Variants in AGBL1 observed in about 807,000 individuals in gnomAD.
The protein encoded by AGBL1 is AGBL carboxypeptidase 1, also known as cytosolic carboxypeptidase 4.
AGBL1 carries 130 observed loss-of-function variants against 118.9 expected under a neutral mutation model. The observed-to-expected ratio is 1.09, with a 90% CI of 0.95 to 1.26. The LOEUF is 1.26. Ranked by LOEUF, AGBL1 falls within the 50% of genes most tolerant of loss-of-function variation. The pLI is 0.00. For synonymous variants in AGBL1, 555 were observed against 478.9 expected (o/e 1.16, Z -2.08); for missense variants, 1,584 against 1,298.1 (o/e 1.22, Z -3.38).
intron 18 of AGBL1, among the ~76,000 whole-genome samples, chr15:86,409,214 C>A (rs1028957343): frequency 3.3e-5 from 5 of 152,122 alleles, no homozygotes; most frequent in Admixed American, 1.3e-4. Flanking sequence ...TTGGTGCAAC[C>A]GTCCAAACCT....
At chr15:86,674,538 A>G (rs1567115860) in intron 22 of AGBL1, 102 bp downstream of exon 22, 2 of 1,196,398 alleles carry the variant, frequency 1.7e-6, no homozygotes, top group Admixed American at 2.7e-5. Flanking sequence ...CTTTACACAG[A>G]GAAAATATGG....
At chr15:86,197,249 A>G (rs962522825) in intron 5 of AGBL1, among the ~76,000 whole-genome samples, 1 of 152,192 alleles carries the variant, frequency 6.6e-6, no homozygotes, top group Non-Finnish European at 1.5e-5. Flanking sequence ...TGTTGGTTGA[A>G]ATATGGACAT....
chr15:86,813,024 A>C (rs2057946063), intron 22 of AGBL1, among the ~76,000 whole-genome samples: 1 of 152,224 alleles, frequency 6.6e-6, no homozygotes, highest in Non-Finnish European at 1.5e-5. Flanking sequence ...GAATTGTCCA[A>C]GAGGAAGAAA....
chr15:86,474,981 C>T (rs913001056), intron 18 of AGBL1, among the ~76,000 whole-genome samples: 23 of 152,196 alleles, frequency 1.5e-4, no homozygotes, highest in African/African-American at 3.9e-4. Context: ...AGTGGACCTC[C>T]GGCAAACTCC....
chr15:86,172,219 C>G (rs532710232), intron 5 of AGBL1, among the ~76,000 whole-genome samples: 1 of 152,176 alleles, frequency 6.6e-6, no homozygotes, highest in African/African-American at 2.4e-5. Flanking sequence ...ATATAAGAAA[C>G]ACACTTAAAA....
At chr15:86,819,712 A>C (rs2078912689) in intron 22 of AGBL1, among the ~76,000 whole-genome samples, 1 of 152,080 alleles carries the variant, frequency 6.6e-6, no homozygotes, top group Non-Finnish European at 1.5e-5. Context: ...AAATGGCTAT[A>C]CTGCCCAAAG....
chr15:86,226,458 G>A (rs1465400274), intron 6 of AGBL1, among the ~76,000 whole-genome samples: 1 of 152,204 alleles, frequency 6.6e-6, no homozygotes, highest in Non-Finnish European at 1.5e-5. Flanking sequence ...CCAGAGAGCT[G>A]AGTAAGGCTG....
intron 20 of AGBL1, among the ~76,000 whole-genome samples, chr15:86,553,275 A>T (rs1473485160): frequency 6.6e-6 from 1 of 152,232 alleles, no homozygotes; most frequent in Non-Finnish European, 1.5e-5. Context: ...CTGCTGACTC[A>T]GAACTGTGTA....
At chr15:86,215,117 T>C (rs2078163280) in intron 5 of AGBL1, among the ~76,000 whole-genome samples, 1 of 152,102 alleles carries the variant, frequency 6.6e-6, no homozygotes, top group Non-Finnish European at 1.5e-5. Context: ...TCAGTTTCTG[T>C]TTCTGTTTTC....
intron 23 of AGBL1, among the ~76,000 whole-genome samples, chr15:86,963,805 G>A (rs2594340): frequency 0.46 from 70,286 of 151,682 alleles, 19,076 homozygotes; most frequent in Non-Finnish European, 0.62. Flanking sequence ...TCTGAAGGCA[G>A]TAGCTTCCTA....
intron 1 of AGBL1, among the ~76,000 whole-genome samples, chr15:86,099,268 T>C (rs1038126401): frequency 2.0e-5 from 3 of 152,068 alleles, no homozygotes; most frequent in African/African-American, 7.2e-5. Flanking sequence ...CTAAAAAAAA[T>C]TACTAAGAAT....
chr15:86,103,556 T>G (rs1261715776), intron 1 of AGBL1, among the ~76,000 whole-genome samples: 1 of 152,216 alleles, frequency 6.6e-6, no homozygotes, highest in Non-Finnish European at 1.5e-5. Context: ...GCTAGGACAC[T>G]TTGGCTTTGC....
chr15:86,831,101 C>T (rs1223745359), intron 22 of AGBL1, among the ~76,000 whole-genome samples: 2 of 152,132 alleles, frequency 1.3e-5, no homozygotes, highest in African/African-American at 4.8e-5. Context: ...ATCAGATCTC[C>T]TGAGACTTAT....
chr15:86,493,407 A>G (rs1377013112), intron 18 of AGBL1, among the ~76,000 whole-genome samples: 2 of 151,978 alleles, frequency 1.3e-5, no homozygotes, highest in Non-Finnish European at 2.9e-5. Context: ...AAAGAAGAGA[A>G]TGGAGAGACA....
At chr15:86,725,201 G>T (rs1432370691) in intron 22 of AGBL1, among the ~76,000 whole-genome samples, 4 of 152,176 alleles carry the variant, frequency 2.6e-5, no homozygotes, top group Non-Finnish European at 4.4e-5. Flanking sequence ...CAAGCTACAG[G>T]AGAACAAAAT....
At chr15:86,713,503 T>C (rs767696698) in intron 22 of AGBL1, among the ~76,000 whole-genome samples, 1 of 152,276 alleles carries the variant, frequency 6.6e-6, no homozygotes, top group Non-Finnish European at 1.5e-5. Context: ...AAGTATTACA[T>C]TGGTATCCCC....
intron 17 of AGBL1, among the ~76,000 whole-genome samples, chr15:86,374,490 G>A (rs1444559819): frequency 1.3e-5 from 2 of 152,218 alleles, no homozygotes; most frequent in Non-Finnish European, 2.9e-5. Flanking sequence ...CACTGCTGGT[G>A]ATGGATCATT....
At chr15:87,017,111 G>A (rs770943276) in intron 24 of AGBL1, among the ~76,000 whole-genome samples, 9 of 152,114 alleles carry the variant, frequency 5.9e-5, no homozygotes, top group Non-Finnish European at 1.3e-4. Context: ...GCCAGCCAGT[G>A]GCAACAGGCT....
At chr15:86,892,256 C>T (rs936019232) in intron 22 of AGBL1, among the ~76,000 whole-genome samples, 22 of 152,098 alleles carry the variant, frequency 1.4e-4, no homozygotes, top group African/African-American at 5.1e-4. Context: ...ACTGCATCTC[C>T]CCACACTATG....
Sources: allele counts gnomAD v4.1 joint callset (sites outside exome capture counted in the v4.1 genomes callset), GRCh38; gene constraint gnomAD v4.1.1; transcripts MANE v1.5; gene names NCBI Gene and HGNC (gene_info 2026-07-23, HGNC 2026-07-21).